ZC3H12C: variants seen among roughly 807,000 people sequenced by gnomAD.
ZC3H12C encodes the protein zinc finger CCCH-type containing 12C.
A neutral mutation model predicts 76.3 loss-of-function variants in ZC3H12C; 20 were observed. That is an observed-to-expected ratio of 0.26 (90% CI 0.18 to 0.38). The LOEUF is 0.38. Among genes scored for constraint, ZC3H12C ranks in the 10% least tolerant of loss-of-function variants. ZC3H12C has a pLI of 1.00. For synonymous variants in ZC3H12C, 352 were observed against 399.6 expected (o/e 0.88, Z 1.42); for missense variants, 874 against 1,086.5 (o/e 0.80, Z 2.75).
intron 2 of ZC3H12C, among the ~76,000 whole-genome samples, chr11:110,150,354 A>AT (rs34347190): frequency 0.69 from 104,652 of 151,868 alleles, 36,851 homozygotes; most frequent in South Asian, 0.79. Flanking sequence ...TAGGTTTTCA[A>AT]TTTCATTTTA....
At chr11:110,148,592 A>G (rs1236094284) in intron 2 of ZC3H12C, among the ~76,000 whole-genome samples, 5 of 152,208 alleles carry the variant, frequency 3.3e-5, no homozygotes, top group Non-Finnish European at 7.3e-5. Flanking sequence ...AAATCCTCCA[A>G]CAAATTCACC....
rs541612734 is a variant in ZC3H12C at position 110,097,578 on chromosome 11, A to G, written c.21+4146A>G. ...TGTATTAATGCATTTAATGCTTACT[A>G]CCTGCTTATGAAGAGGTATTTCAGT... On this transcript the variant is annotated intron_variant, in intron 1 of 5. Coordinates refer to ENST00000278590, the MANE Select transcript of ZC3H12C (RefSeq NM_033390.2). 2.0e-5 allele frequency among the ~76,000 whole-genome samples: 3 copies of G among 152,306 alleles called. No homozygotes were observed. In the South Asian group the frequency reaches 6.2e-4, roughly 32 times the overall value.
chr11:110,158,664 G>A (rs1862422610), intron 3 of ZC3H12C, among the ~76,000 whole-genome samples: 1 of 152,180 alleles, frequency 6.6e-6, no homozygotes, highest in Non-Finnish European at 1.5e-5. Context: ...CTCACAGAAA[G>A]GTCATGGGGC....
intron 1 of ZC3H12C, among the ~76,000 whole-genome samples, chr11:110,117,016 G>A (rs1861538297): frequency 6.6e-6 from 1 of 152,178 alleles, no homozygotes; most frequent in Non-Finnish European, 1.5e-5. Context: ...CAGTAAGCCA[G>A]ATCTCTGGAA....
intron 1 of ZC3H12C, among the ~76,000 whole-genome samples, chr11:110,126,086 A>G (rs542805638): frequency 1.5e-4 from 23 of 152,264 alleles, no homozygotes; most frequent in Non-Finnish European, 2.1e-4. Context: ...ATTGATATGC[A>G]TCTATTATTT....
Position 110,165,230 on chromosome 11 carries a change from G to A in ZC3H12C, c.2145G>A (p.Val715=), listed in dbSNP as rs772853834. 1 of 1,613,994 alleles carries A rather than the reference G, an allele frequency of 6.2e-7. No homozygotes were observed. ...CTCTGCACCTGCCGCACTCCGCTGT[G>A]GGCGCCCGGTCCAGCTGTCCTGGCG... ...HLALHLPHSA[V]GARSSCPGDY... Residue 715 remains valine, a synonymous_variant, in exon 6 of 6, where the codon GTG becomes GTA. Transcript: ENST00000278590.
intron 1 of ZC3H12C, among the ~76,000 whole-genome samples, chr11:110,116,765 A>G (rs1861533902): frequency 6.6e-6 from 1 of 152,198 alleles, no homozygotes; most frequent in African/African-American, 2.4e-5. Flanking sequence ...TAACAACCCT[A>G]TGCTGTTAGT....
intron 1 of ZC3H12C, among the ~76,000 whole-genome samples, chr11:110,120,513 CACTTG>C (rs1320680477): frequency 3.9e-5 from 6 of 152,136 alleles, no homozygotes; most frequent in African/African-American, 1.4e-4. Context: ...AAGAAAAGGA[CACTTG>C]ACTTGTTTAC....
intron 1 of ZC3H12C, among the ~76,000 whole-genome samples, chr11:110,130,329 A>G (rs1303091811): frequency 6.6e-6 from 1 of 152,156 alleles, no homozygotes; most frequent in Non-Finnish European, 1.5e-5. Flanking sequence ...AATCAGTTCT[A>G]TTTGTGATCT....
chr11:110,153,508 A>G (rs1472929735), intron 3 of ZC3H12C, among the ~76,000 whole-genome samples: 2 of 151,984 alleles, frequency 1.3e-5, no homozygotes, highest in South Asian at 2.1e-4. Flanking sequence ...TTTGAAAACT[A>G]TCTGGTTTTA....
chr11:110,119,676 C>A (rs78258894), intron 1 of ZC3H12C, among the ~76,000 whole-genome samples: 4 of 152,150 alleles, frequency 2.6e-5, no homozygotes, highest in Non-Finnish European at 2.9e-5. Flanking sequence ...ATGTATTGCT[C>A]ACAGTTCTGG....
intron 2 of ZC3H12C, among the ~76,000 whole-genome samples, chr11:110,143,211 A>T (rs1283265228): frequency 6.6e-6 from 1 of 152,196 alleles, no homozygotes; most frequent in Non-Finnish European, 1.5e-5. Flanking sequence ...GAGAAAGTAA[A>T]ATATCCTGTT....
chr11:110,120,117 G>T (rs1861627427), intron 1 of ZC3H12C, among the ~76,000 whole-genome samples: 1 of 152,150 alleles, frequency 6.6e-6, no homozygotes, highest in South Asian at 2.1e-4. Context: ...AAACCTTGGG[G>T]AGAGGAGAGG....
intron 4 of ZC3H12C, among the ~76,000 whole-genome samples, chr11:110,161,035 G>T (rs1862470774): frequency 6.6e-6 from 1 of 151,524 alleles, no homozygotes; most frequent in African/African-American, 2.4e-5. Flanking sequence ...GTAGAGACGA[G>T]GTTTCACCAT....
At chr11:110,163,122 T>G in intron 4 of ZC3H12C, 151 bp from the exon 5 acceptor site, 1 of 575,810 alleles carries the variant, frequency 1.7e-6, no homozygotes, top group Non-Finnish European at 3.0e-6. Flanking sequence ...ATTTACTGAT[T>G]TCTTTTTTAC....
intron 4 of ZC3H12C, 113 bp from the exon 5 acceptor site, chr11:110,163,160 G>T: frequency 2.5e-6 from 2 of 793,954 alleles, no homozygotes; most frequent in Non-Finnish European, 3.9e-6. Context: ...AAAACACTTG[G>T]ATTAAAATTG....
chr11:110,140,693 T>G (rs1862052949), intron 2 of ZC3H12C, among the ~76,000 whole-genome samples: 1 of 152,224 alleles, frequency 6.6e-6, no homozygotes, highest in African/African-American at 2.4e-5. Flanking sequence ...ATCTCTCCCC[T>G]GACTGGTGGG....
intron 1 of ZC3H12C, among the ~76,000 whole-genome samples, chr11:110,108,713 C>T (rs1861375999): frequency 6.6e-6 from 1 of 152,206 alleles, no homozygotes; most frequent in Admixed American, 6.5e-5. Flanking sequence ...TGACTTCTCT[C>T]TTGTACACTG....
chr11:110,164,552 G>T lies in ZC3H12C; in HGVS notation c.1467G>T (p.Arg489Ser). ...TSDVKRGAPK[R>S]QSDPSIRTQV... ...ATGTCAAACGAGGTGCTCCAAAGAG[G>T]CAATCAGATCCAAGCATAAGGACAC... The change falls in exon 6 of 6, where the codon AGG (arginine) becomes AGT (serine). Residue 489 changes from arginine to serine, a missense_variant. Coordinates refer to ENST00000278590, the MANE Select transcript of ZC3H12C (RefSeq NM_033390.2). This position sits in a 1 kb window ranked among gnomAD's most constrained non-coding sequence, Gnocchi z 5.7. 1 of 1,613,976 alleles carries T rather than the reference G, an allele frequency of 6.2e-7. No individual in the cohort carries two copies.
Sources: gnomAD v4.1 joint callset for allele counts (sites outside exome capture counted in the v4.1 genomes callset) on GRCh38, gnomAD v4.1.1 for gene constraint, Gnocchi (gnomAD v3.1) non-coding constraint, MANE v1.5 for transcripts, NCBI Gene and HGNC (gene_info 2026-07-23, HGNC 2026-07-21) for gene names.